The following DNAJB4 variants were observed in gnomAD, a reference collection of about 807,000 sequenced individuals.
DNAJB4 encodes dnaJ homolog subfamily B member 4.
Under a neutral mutation model 26.6 loss-of-function variants are expected in DNAJB4, and 10 were observed. The ratio of observed to expected loss-of-function variants is 0.38; its 90% CI spans 0.23 to 0.64. The LOEUF (loss-of-function observed/expected upper bound fraction) is 0.64, where lower values mean the gene tolerates loss of function less well. Among genes scored for constraint, DNAJB4 ranks in the 30% least tolerant of loss-of-function variants. The pLI is 0.58. For missense variants in DNAJB4, 328 were observed against 408.2 expected, an observed-to-expected ratio of 0.80 and a Z score of 1.69; for synonymous variants, 136 against 134.8, an observed-to-expected ratio of 1.01 and a Z score of -0.06.
chr1:77,991,350 A>G (rs375294022), intron 1 of DNAJB4, among the ~76,000 whole-genome samples: 11 of 152,138 alleles, frequency 7.2e-5, no homozygotes, highest in Non-Finnish European at 1.2e-4. Flanking sequence ...GTATTTATGA[A>G]TTTGCCTACT....
At chr1:77,993,128 C>T (rs566864239) in intron 1 of DNAJB4, among the ~76,000 whole-genome samples, 14 of 152,168 alleles carry the variant, frequency 9.2e-5, no homozygotes, top group African/African-American at 3.4e-4. Flanking sequence ...CTCCCTCCAG[C>T]GAAGAATAAT....
chr1:78,005,301 A>G lies in DNAJB4; in HGVS notation c.191A>G (p.Tyr64Cys). Residue 64 changes from tyrosine to cysteine, a missense_variant, in exon 1 of 3, where the codon TAT (tyrosine) becomes TGT (cysteine). Coordinates refer to ENST00000370763, the MANE Select transcript of DNAJB4 (RefSeq NM_007034.5). ...AGTGATCCTAAAAAGAGAGAAATAT[A>G]TGATCAGTTTGGGGAGGAAGGTAAG... The part of the protein sequence containing the change: ...VLSDPKKREI[Y>C]DQFGEEGLKG... 6.2e-7 allele frequency: 1 copy of G among 1,613,516 alleles called. No individual in the cohort carries two copies. Among genetic ancestry groups the G allele is most frequent in the Non-Finnish European group, 8.5e-7 (1 of 1,179,776 alleles).
At chr1:77,983,249 C>G (rs1331328295) in intron 1 of DNAJB4, among the ~76,000 whole-genome samples, 1 of 152,234 alleles carries the variant, frequency 6.6e-6, no homozygotes, top group Non-Finnish European at 1.5e-5. Context: ...GGTCCCACCT[C>G]CAGCCCTAAG....
upstream of DNAJB4, among the ~76,000 whole-genome samples, chr1:78,000,180 T>C (rs1404906729): frequency 6.6e-6 from 1 of 152,148 alleles, no homozygotes; most frequent in Non-Finnish European, 1.5e-5. Context: ...AAGAACATTT[T>C]GTTATGCATA....
chr1:78,005,236 G>A lies in DNAJB4; in HGVS notation c.126G>A (p.Glu42=). The change falls in exon 1 of 3, where the codon GAG becomes GAA. Residue 42 remains glutamate (E), a synonymous_variant. Coordinates refer to ENST00000370763, the MANE Select transcript of DNAJB4 (RefSeq NM_007034.5). ...HPDKNKSPQA[E]EKFKEVAEAY... ...ACAAGAACAAATCTCCTCAGGCAGA[G>A]GAAAAATTTAAAGAGGTCGCAGAAG... 1 of 1,614,102 alleles carries A rather than the reference G, an allele frequency of 6.2e-7. No individual in the cohort carries two copies. Among genetic ancestry groups the A allele is most frequent in the Middle Eastern group, 1.7e-4 (1 of 6,058 alleles).
intron 1 of DNAJB4, among the ~76,000 whole-genome samples, chr1:78,005,634 C>T (rs1389777628): frequency 6.6e-6 from 1 of 152,128 alleles, no homozygotes; most frequent in African/African-American, 2.4e-5. Flanking sequence ...ACCTTGAATT[C>T]CCATACCTAT....
At chr1:77,982,057 C>T (rs1202267773) in intron 1 of DNAJB4, among the ~76,000 whole-genome samples, 3 of 152,214 alleles carry the variant, frequency 2.0e-5, no homozygotes, top group Non-Finnish European at 4.4e-5. Flanking sequence ...CTCCTGAAAG[C>T]ATCTGTCTTA....
intron 1 of DNAJB4, among the ~76,000 whole-genome samples, chr1:77,986,272 A>G (rs1371087643): frequency 1.3e-5 from 2 of 152,218 alleles, no homozygotes; most frequent in African/African-American, 4.8e-5. Flanking sequence ...TGTGCCATGT[A>G]GTAAATATTA....
At chr1:77,982,994 C>A (rs1170043893) in intron 1 of DNAJB4, among the ~76,000 whole-genome samples, 1 of 152,120 alleles carries the variant, frequency 6.6e-6, no homozygotes, top group African/African-American at 2.4e-5. Context: ...GTATGCTGAA[C>A]CAGCGTTCAG....
At position 78,005,184 on chromosome 1, in the gene DNAJB4, G is replaced by T; in HGVS notation, c.74G>T (p.Arg25Leu). The change falls in exon 1 of 3, where the codon CGA becomes CTA. Residue 25 changes from arginine to leucine, a missense_variant. Coordinates refer to ENST00000370763, the MANE Select transcript of DNAJB4 (RefSeq NM_007034.5). ...GATGAAGATATTAAAAAGGCTTACC[G>T]AAAACAAGCCCTCAAATTTCATCCG... Reference protein sequence around the residue: ...ASDEDIKKAYRKQALKFHPDK... With the variant: ...ASDEDIKKAYLKQALKFHPDK... 6.2e-7 allele frequency: 1 copy of T among 1,614,116 alleles called. No homozygotes were observed. The highest frequency in any genetic ancestry group is 8.5e-7 in the Non-Finnish European group (1 of 1,179,984).
At chr1:77,986,948 T>C (rs1659805725) in intron 1 of DNAJB4, among the ~76,000 whole-genome samples, 1 of 152,174 alleles carries the variant, frequency 6.6e-6, no homozygotes, top group South Asian at 2.1e-4. Flanking sequence ...CCAGGTGTCA[T>C]GCAGTCATGA....
rs182448090 is a variant in DNAJB4, at chr1:78,014,816, G to A, written c.780+1197G>A. Among the ~76,000 whole-genome samples the A allele has an allele frequency of 2.4e-3, 359 of 152,072 alleles. 1 individual carries two copies. Among genetic ancestry groups the A allele is most frequent in the African/African-American group, 8.0e-3 (330 of 41,492 alleles). ...GGTTTTCACCATGTTGGCCAGGCTCGTCTTGAACTCTTGACCTCAAGTAAT... is the reference window on the plus strand; with the variant it reads ...GGTTTTCACCATGTTGGCCAGGCTCATCTTGAACTCTTGACCTCAAGTAAT... On this transcript the variant is annotated intron_variant, in intron 2 of 2. Coordinates refer to ENST00000370763, the MANE Select transcript of DNAJB4 (RefSeq NM_007034.5).
chr1:78,007,771 T>C (rs911477928), intron 1 of DNAJB4, among the ~76,000 whole-genome samples: 1 of 152,202 alleles, frequency 6.6e-6, no homozygotes, highest in African/African-American at 2.4e-5. Context: ...TCTCTTTGCC[T>C]TTTATTTATC....
intron 1 of DNAJB4, among the ~76,000 whole-genome samples, chr1:77,982,727 C>CG (rs887951504): frequency 6.6e-6 from 1 of 152,114 alleles, no homozygotes; most frequent in African/African-American, 2.4e-5. Flanking sequence ...GAACCCGGGA[C>CG]GGGGAGGTTG....
upstream of DNAJB4, among the ~76,000 whole-genome samples, chr1:78,002,478 C>T (rs1660215894): frequency 1.3e-5 from 2 of 152,102 alleles, no homozygotes; most frequent in Non-Finnish European, 2.9e-5. Context: ...TGATGCTTTA[C>T]CCTATTTCAT....
intron 1 of DNAJB4, among the ~76,000 whole-genome samples, chr1:77,981,682 A>G (rs1557498192): frequency 6.6e-6 from 1 of 152,210 alleles, no homozygotes; most frequent in Non-Finnish European, 1.5e-5. Flanking sequence ...TTGTGAAAAT[A>G]TAAATAAACT....
intron 1 of DNAJB4, among the ~76,000 whole-genome samples, chr1:77,988,005 T>TTA (rs959650040): frequency 9.5e-5 from 14 of 148,014 alleles, no homozygotes; most frequent in Admixed American, 6.1e-4. Flanking sequence ...TATGCATACA[T>TTA]TATATATATA....
At chr1:78,002,860 C>A (rs933243227), upstream of DNAJB4, among the ~76,000 whole-genome samples, 2 of 152,112 alleles carry the variant, frequency 1.3e-5, no homozygotes, top group Non-Finnish European at 2.9e-5. Flanking sequence ...AATCCCTTTT[C>A]ACCCTTTTCA....
chr1:78,011,808 A>C (rs968916899), intron 1 of DNAJB4, among the ~76,000 whole-genome samples: 1 of 151,798 alleles, frequency 6.6e-6, no homozygotes, highest in African/African-American at 2.4e-5. Context: ...AAACAGTAAA[A>C]GATGATCTGA....
Sources: gnomAD v4.1 joint callset for allele counts (sites outside exome capture counted in the v4.1 genomes callset) on GRCh38, gnomAD v4.1.1 for gene constraint, MANE v1.5 for transcripts, NCBI Gene and HGNC (gene_info 2026-07-23, HGNC 2026-07-21) for gene names.